The following MED15 variants were observed in gnomAD, a reference collection of about 807,000 sequenced individuals.
MED15 encodes the protein mediator of RNA polymerase II transcription subunit 15.
In MED15, 41 loss-of-function variants were observed where a neutral mutation model predicts 118.7. The ratio of observed to expected loss-of-function variants is 0.35; its 90% CI spans 0.27 to 0.45. The LOEUF (loss-of-function observed/expected upper bound fraction) is 0.45. Among genes scored for constraint, MED15 ranks in the 20% least tolerant of loss-of-function variants. The pLI is 1.00. For synonymous variants in MED15, 436 were observed against 413.9 expected (o/e 1.05, Z -0.65); for missense variants, 740 against 1,025.5 (o/e 0.72, Z 3.80).
At chr22:20,568,914 C>T (rs1419364008) in intron 8 of MED15, among the ~76,000 whole-genome samples, 1 of 152,188 alleles carries the variant, frequency 6.6e-6, no homozygotes, top group Non-Finnish European at 1.5e-5. Flanking sequence ...CTGAGTGACT[C>T]TGGGAACATG....
At chr22:20,537,763 T>G (rs1601516717) in intron 2 of MED15, among the ~76,000 whole-genome samples, 2 of 152,350 alleles carry the variant, frequency 1.3e-5, no homozygotes, top group East Asian at 3.9e-4. Flanking sequence ...CTTTAATCTG[T>G]GTGTGCTCCC....
intron 8 of MED15, among the ~76,000 whole-genome samples, chr22:20,569,569 T>C (rs1160632682): frequency 6.6e-6 from 1 of 152,076 alleles, no homozygotes; most frequent in African/African-American, 2.4e-5. Context: ...CATCTCACGC[T>C]TGGGGGGTGC....
Position 20,507,704 on chromosome 22 carries a change from A to C in MED15, c.26A>C (p.Asp9Ala). The change falls in exon 1 of 18, where the codon GAC (aspartate) becomes GCC (alanine). Residue 9 changes from aspartate (D) to alanine (A), a missense_variant. Physicochemically the swap from Asp to Ala is moderately radical, Grantham distance 126 (BLOSUM62 -2). This residue lies in a region of MED15 where 23 missense variants were observed against 20.2 expected (regional missense o/e 1.14). Transcript: ENST00000263205. ...ATGGACGTTTCCGGGCAAGAGACCG[A>C]CTGGCGGAGCACCGCCTTCCGGCAG... MDVSGQET[D>A]WRSTAFRQKL... 4 of 1,614,038 alleles carry C rather than the reference A, an allele frequency of 2.5e-6. No individual in the cohort carries two copies. The highest frequency in any genetic ancestry group is 3.4e-6 in the Non-Finnish European group (4 of 1,179,928).
At chr22:20,573,796 T>C (rs1454117532) in intron 8 of MED15, 1 of 152,238 alleles carries the variant, frequency 6.6e-6, no homozygotes, top group East Asian at 1.9e-4. Context: ...CTTTTCTCCC[T>C]TGTGGAACGA....
intron 1 of MED15, among the ~76,000 whole-genome samples, chr22:20,522,554 G>A (rs114191051): frequency 0.03 from 4,578 of 152,256 alleles, 231 homozygotes; most frequent in African/African-American, 0.1. Context: ...CTCGTATTCC[G>A]TGTGCATGCG....
intron 2 of MED15, among the ~76,000 whole-genome samples, chr22:20,544,526 G>A (rs1037468327): frequency 2.6e-5 from 4 of 152,136 alleles, no homozygotes; most frequent in Admixed American, 2.6e-4. Context: ...AACTAGCCAG[G>A]CGTGGTGGCG....
chr22:20,517,204 T>C (rs1810787804), intron 1 of MED15, among the ~76,000 whole-genome samples: 1 of 152,104 alleles, frequency 6.6e-6, no homozygotes, highest in Admixed American at 6.6e-5. Context: ...TCCCAAAGTG[T>C]TGGATTACAG....
intron 3 of MED15, chr22:20,551,701 A>G (rs1462008898): frequency 8.3e-6 from 5 of 599,612 alleles, no homozygotes; most frequent in Non-Finnish European, 1.5e-5. Context: ...TGATTCTAGC[A>G]TCATGGAAAT....
chr22:20,536,688 C>T (rs1350696933), intron 1 of MED15, among the ~76,000 whole-genome samples: 2 of 152,056 alleles, frequency 1.3e-5, no homozygotes, highest in Non-Finnish European at 2.9e-5. Flanking sequence ...TAGGAGTAAT[C>T]GAGTCTAGAA....
intron 2 of MED15, among the ~76,000 whole-genome samples, chr22:20,543,243 ACT>A (rs1298833503): frequency 9.0e-6 from 1 of 110,860 alleles, no homozygotes; most frequent in Non-Finnish European, 1.7e-5. Context: ...ACGGAGTCTC[ACT>A]CTCTCGCCCA....
At chr22:20,569,122 C>T (rs911518086) in intron 8 of MED15, among the ~76,000 whole-genome samples, 3 of 152,048 alleles carry the variant, frequency 2.0e-5, no homozygotes, top group African/African-American at 4.8e-5. Context: ...TGGTGAGAAG[C>T]GTGCCACTCC....
intron 2 of MED15, among the ~76,000 whole-genome samples, chr22:20,549,851 G>A (rs2055701497): frequency 6.6e-6 from 1 of 152,200 alleles, no homozygotes; most frequent in African/African-American, 2.4e-5. Flanking sequence ...CTGCATTCCA[G>A]GTGCTGGGCT....
chr22:20,507,852 G>T, intron 1 of MED15, 106 bp downstream of exon 1: 1 of 1,540,924 alleles, frequency 6.5e-7, no homozygotes. Context: ...CCGGGAGACA[G>T]AAGGCGCCGG....
Position 20,582,632 on chromosome 22 carries a change from A to G in MED15, c.1294A>G (p.Met432Val), listed in dbSNP as rs748595037. 6.4e-6 allele frequency: 10 copies of G among 1,570,844 alleles called. No individual in the cohort carries two copies. Among genetic ancestry groups the G allele is most frequent in the South Asian group, 5.7e-5 (5 of 87,500 alleles). The stretch of plus-strand genomic sequence containing the variant: ...CCAGGTCAGCCAGAGCAGCCTCCCC[A>G]TGCTGTCCTCGCCGTCACCGGGCCA... ...MAQVSQSSLPMLSSPSPGQQV... is the reference protein window; with the variant it reads ...MAQVSQSSLPVLSSPSPGQQV... Residue 432 changes from methionine (M) to valine (V), a missense_variant, in exon 10 of 18, where the codon ATG becomes GTG. Met to Val is a conservative substitution (Grantham distance 21). Around this residue, in one of 7 missense-constraint regions of MED15, gnomAD observed 384 missense variants for 506.3 expected, o/e 0.76. Transcript: ENST00000263205.
intron 1 of MED15, among the ~76,000 whole-genome samples, chr22:20,530,611 G>A (rs985475947): frequency 6.6e-6 from 1 of 152,156 alleles, no homozygotes; most frequent in Non-Finnish European, 1.5e-5. Context: ...TGGGGTCAGG[G>A]GAGAGGCCTC....
intron 8 of MED15, chr22:20,573,812 G>C (rs756088615): frequency 6.6e-6 from 1 of 152,150 alleles, no homozygotes; most frequent in Non-Finnish European, 1.5e-5. Flanking sequence ...AACGAGTGCC[G>C]TTGAGCCCTG....
chr22:20,508,010 T>C (rs1306453414), intron 1 of MED15: 1 of 1,414,860 alleles, frequency 7.1e-7, no homozygotes, highest in Non-Finnish European at 9.2e-7. Context: ...TCATTCGTCA[T>C]TTGTGTGCTT....
intron 1 of MED15, among the ~76,000 whole-genome samples, chr22:20,525,006 A>G (rs1220713788): frequency 2.0e-5 from 3 of 152,130 alleles, no homozygotes; most frequent in African/African-American, 7.2e-5. Flanking sequence ...GAAGGTTTAG[A>G]TAGGTGAAAG....
intron 5 of MED15, 109 bp downstream of exon 5, chr22:20,555,257 G>A (rs73157002): frequency 0.13 from 154,021 of 1,184,828 alleles, 11,787 homozygotes; most frequent in Non-Finnish European, 0.15. Context: ...GCTCCAAATC[G>A]CTCTGGTTTT....
Sources: gnomAD v4.1 joint callset for allele counts (sites outside exome capture counted in the v4.1 genomes callset) on GRCh38, gnomAD v4.1.1 for gene constraint, gnomAD v4.1.1 regional missense constraint, MANE v1.5 for transcripts, NCBI Gene and HGNC (gene_info 2026-07-23, HGNC 2026-07-21) for gene names.